Variants in INPP4B observed in about 807,000 individuals in gnomAD.
INPP4B encodes the protein inositol polyphosphate 4-phosphatase type II.
Under a neutral mutation model 122.5 loss-of-function variants are expected in INPP4B, and 55 were observed. The ratio of observed to expected loss-of-function variants is 0.45; its 90% CI spans 0.36 to 0.56. The LOEUF (loss-of-function observed/expected upper bound fraction) is 0.56, where lower values mean the gene tolerates loss of function less well. INPP4B is among the 20% of genes least tolerant of loss of function. The probability of loss-of-function intolerance (pLI) is 0.00; values close to 1 mark genes in which losing one functional copy is unlikely to be tolerated. For synonymous variants in INPP4B, 403 were observed against 388.7 expected (o/e 1.04, Z -0.43); for missense variants, 1,000 against 1,097.7 (o/e 0.91, Z 1.26).
chr4:142,270,738 T>C lies in INPP4B; in HGVS notation c.540A>G (p.Glu180=), dbSNP rs61757085. 104 of 1,613,862 alleles carry C rather than the reference T, an allele frequency of 6.4e-5. No homozygotes were observed. The highest frequency in any genetic ancestry group is 8.1e-5 in the Non-Finnish European group (95 of 1,179,920). Residue 180 remains glutamate (E), a synonymous_variant, in exon 10 of 26, where the codon GAA becomes GAG. Transcript: ENST00000262992. ...TCTCCCCCATCTTCACGACACTGAC[T>C]TCTATGGTGCCAACCACTTTGCCAC... ...SDGGKVVGTI[E]VSVVKMGEIE... is the part of the protein sequence containing the mutation.
chr4:142,523,178 A>G (rs1031902972), intron 2 of INPP4B, among the ~76,000 whole-genome samples: 1 of 152,136 alleles, frequency 6.6e-6, no homozygotes, highest in African/African-American at 2.4e-5. Context: ...ATTACTGAAA[A>G]TTTATTACAA....
chr4:142,069,177 C>T (rs1344133902), intron 25 of INPP4B, among the ~76,000 whole-genome samples: 1 of 152,146 alleles, frequency 6.6e-6, no homozygotes, highest in Non-Finnish European at 1.5e-5. Flanking sequence ...GATTAAGAAA[C>T]TCACTCAAAA....
intron 1 of INPP4B, among the ~76,000 whole-genome samples, chr4:142,819,053 G>A (rs576077061): frequency 5.3e-5 from 8 of 152,122 alleles, no homozygotes; most frequent in Non-Finnish European, 7.4e-5. Context: ...CCAGTCATGC[G>A]TTGTGTGCTG....
chr4:142,755,763 A>C (rs1305246740), intron 1 of INPP4B, among the ~76,000 whole-genome samples: 2 of 152,054 alleles, frequency 1.3e-5, no homozygotes, highest in East Asian at 3.9e-4. Context: ...TTGGTCTTTA[A>C]AAAAAGCCAG....
intron 1 of INPP4B, among the ~76,000 whole-genome samples, chr4:142,802,894 G>C (rs1209321314): frequency 6.6e-6 from 1 of 151,924 alleles, no homozygotes; most frequent in African/African-American, 2.4e-5. Context: ...ATCAGGCTGG[G>C]TGCGGTGGCT....
intron 21 of INPP4B, among the ~76,000 whole-genome samples, chr4:142,116,165 G>GA (rs1274872477): frequency 1.3e-5 from 2 of 152,130 alleles, no homozygotes; most frequent in Non-Finnish European, 2.9e-5. Context: ...CATAAAGCAA[G>GA]TCCTTTGAGA....
intron 12 of INPP4B, among the ~76,000 whole-genome samples, chr4:142,231,343 A>G (rs188466132): frequency 4.9e-4 from 74 of 152,330 alleles, no homozygotes; most frequent in African/African-American, 1.7e-3. Context: ...TATGCTTTAC[A>G]CAAATAAGCA....
chr4:142,596,270 G>A (rs1055853727), intron 2 of INPP4B, among the ~76,000 whole-genome samples: 2 of 152,126 alleles, frequency 1.3e-5, no homozygotes, highest in Non-Finnish European at 2.9e-5. Context: ...GACTGGTCTT[G>A]TGACTTGCCT....
intron 2 of INPP4B, among the ~76,000 whole-genome samples, chr4:142,501,616 T>A (rs2149821936): frequency 6.6e-6 from 1 of 152,032 alleles, no homozygotes; most frequent in Admixed American, 6.6e-5. Flanking sequence ...ATAAGAGGAA[T>A]TTTAAGAAGA....
intron 2 of INPP4B, among the ~76,000 whole-genome samples, chr4:142,696,979 A>G (rs760903654): frequency 6.6e-6 from 1 of 152,196 alleles, no homozygotes; most frequent in Non-Finnish European, 1.5e-5. Flanking sequence ...ATGGTAAGTC[A>G]GAGAGAGTGG....
intron 2 of INPP4B, among the ~76,000 whole-genome samples, chr4:142,657,920 G>A (rs542065239): frequency 5.2e-4 from 79 of 152,124 alleles, no homozygotes; most frequent in African/African-American, 1.2e-3. Flanking sequence ...CAATTACTTC[G>A]GAAGGCCCCT....
intron 20 of INPP4B, 118 bp from the exon 21 acceptor site, chr4:142,122,363 G>C: frequency 1.2e-5 from 9 of 766,254 alleles, no homozygotes. Context: ...TCTGAATGCA[G>C]TGAACCTACT....
At chr4:142,637,442 A>G (rs1342915402) in intron 2 of INPP4B, among the ~76,000 whole-genome samples, 1 of 152,190 alleles carries the variant, frequency 6.6e-6, no homozygotes, top group Non-Finnish European at 1.5e-5. Flanking sequence ...ATTTAAAACC[A>G]TAACGTTTGT....
chr4:142,821,140 T>A (rs1330987106), intron 1 of INPP4B, among the ~76,000 whole-genome samples: 1 of 152,160 alleles, frequency 6.6e-6, no homozygotes, highest in East Asian at 1.9e-4. Flanking sequence ...TTATAATGCC[T>A]CTTGAGAACT....
intron 5 of INPP4B, among the ~76,000 whole-genome samples, chr4:142,407,126 T>C (rs1219734286): frequency 2.6e-5 from 4 of 152,248 alleles, no homozygotes; most frequent in Admixed American, 2.6e-4. Flanking sequence ...CACTGTTCTT[T>C]GGTGGTTATT....
At chr4:142,548,177 T>C (rs954505859) in intron 2 of INPP4B, among the ~76,000 whole-genome samples, 1 of 152,126 alleles carries the variant, frequency 6.6e-6, no homozygotes, top group Non-Finnish European at 1.5e-5. Flanking sequence ...TTGGAAAGCT[T>C]AAATGGTGGA....
At chr4:142,259,556 TGTTATAA>T (rs1738589597) in intron 11 of INPP4B, among the ~76,000 whole-genome samples, 2 of 148,804 alleles carry the variant, frequency 1.3e-5, no homozygotes, top group South Asian at 2.1e-4. Context: ...TTGTTTATAT[TGTTATAA>T]AACTAAAATC....
At chr4:142,286,696 G>A (rs1326943042) in intron 9 of INPP4B, among the ~76,000 whole-genome samples, 1 of 152,090 alleles carries the variant, frequency 6.6e-6, no homozygotes, top group East Asian at 1.9e-4. Context: ...GTTACATGAA[G>A]GGCTTATGGC....
intron 9 of INPP4B, among the ~76,000 whole-genome samples, chr4:142,300,004 T>C (rs1760712907): frequency 6.6e-6 from 1 of 152,176 alleles, no homozygotes; most frequent in South Asian, 2.1e-4. Context: ...TAAGAAGACA[T>C]ACATCAACTT....
Sources: gnomAD v4.1 joint callset for allele counts (sites outside exome capture counted in the v4.1 genomes callset) on GRCh38, gnomAD v4.1.1 for gene constraint, MANE v1.5 for transcripts, NCBI Gene and HGNC (gene_info 2026-07-23, HGNC 2026-07-21) for gene names.